Variants in DDX3X observed in about 807,000 individuals in gnomAD.
DDX3X encodes the protein ATP-dependent RNA helicase DDX3X.
DDX3X carries 4 observed loss-of-function variants against 52.7 expected under a neutral mutation model. That is an observed-to-expected ratio of 0.08 (90% confidence interval 0.04 to 0.17). The LOEUF (loss-of-function observed/expected upper bound fraction) is 0.17, where lower values mean the gene tolerates loss of function less well. DDX3X is among the 10% of genes least tolerant of loss of function. The pLI, the probability that DDX3X is intolerant of heterozygous loss-of-function variation, is 1.00. For synonymous variants in DDX3X, 192 were observed against 178.1 expected (o/e 1.08, Z -0.62); for missense variants, 222 against 548.6 (o/e 0.40, Z 5.95).
intron 2 of DDX3X, 154 bp downstream of exon 2, chrX:41,337,619 T>A: frequency 2.4e-6 from 1 of 424,181 alleles, no homozygotes; most frequent in Non-Finnish European, 3.9e-6. Context: ...TAGTACTTAG[T>A]GATCAATCTA....
chrX:41,358,438 G>T (rs1157703357), intron 5 of DDX3X, among the ~76,000 whole-genome samples: 1 of 111,458 alleles, frequency 9.0e-6, no homozygotes, highest in African/African-American at 3.3e-5. Flanking sequence ...GCAGTATTCA[G>T]CTAATCCCAA....
chrX:41,346,081 C>G (rs900978911), intron 12 of DDX3X, 148 bp from the exon 13 acceptor site: 2 of 480,039 alleles, frequency 4.2e-6, no homozygotes, highest in Admixed American at 8.5e-5. Context: ...TATTACTTTT[C>G]CTCCTCAATT....
At chrX:41,335,332 G>A (rs1408996172) in intron 1 of DDX3X, 1 of 111,564 alleles carries the variant, frequency 9.0e-6, no homozygotes, top group African/African-American at 3.3e-5. Context: ...CCCGGCTTAG[G>A]GGGGAAGTAA....
chrX:41,337,614 C>G (rs189479583), intron 2 of DDX3X, 149 bp downstream of exon 2: 82 of 405,401 alleles, frequency 2.0e-4, no homozygotes, highest in African/African-American at 1.8e-3. Context: ...TTATGTAGTA[C>G]TTAGTGATCA....
At chrX:41,353,297 C>CAAAAAAAAAAAA (rs61067509), downstream of DDX3X, among the ~76,000 whole-genome samples, 4 of 45,977 alleles carry the variant, frequency 8.7e-5, no homozygotes, top group Admixed American at 5.3e-4. Context: ...ACTAAAAATA[C>CAAAAAAAAAAAA]AAAAAAAAAA....
intron 5 of DDX3X, among the ~76,000 whole-genome samples, chrX:41,356,335 C>T (rs186783152): frequency 2.0e-4 from 22 of 109,317 alleles, no homozygotes; most frequent in Non-Finnish European, 3.2e-4. Flanking sequence ...TTAGTAGAGA[C>T]GGGGTTTCAC....
At chrX:41,338,248 A>G (rs2147342276) in intron 2 of DDX3X, 1 of 111,291 alleles carries the variant, frequency 9.0e-6, no homozygotes, top group African/African-American at 3.3e-5. Context: ...AGTATGGGCT[A>G]TGATGTGTCC....
chrX:41,341,967 C>T (rs1370775069), intron 4 of DDX3X: 3 of 169,121 alleles, frequency 1.8e-5, no homozygotes, highest in East Asian at 1.6e-4. Context: ...ACTGACCCCA[C>T]GTGCCTAATA....
rs933499622 is a variant in DDX3X at position 41,348,393 on chromosome X, A to G, written c.*674A>G. ...TGATAGTCTTTAAGCCATTCCAGTC[A>G]TGATGAGGTGATGTATGAATACATG... is the stretch of plus-strand genomic sequence containing the variant. On this transcript the variant is annotated 3_prime_UTR_variant, in exon 17 of 17. Transcript: ENST00000644876. 1 of 113,218 alleles carries G rather than the reference A, an allele frequency of 8.8e-6. No individual in the cohort carries two copies. The highest frequency in any genetic ancestry group is 3.2e-5 in the African/African-American group (1 of 30,944). 9.3% of individuals were successfully genotyped at this position (113,218 alleles called of 1,213,427 possible). A position where few individuals can be genotyped will look rare whatever the true frequency, so the allele number is the denominator to read the frequency against.
At chrX:41,346,020 C>T in intron 12 of DDX3X, 1 of 410,358 alleles carries the variant, frequency 2.4e-6, no homozygotes, top group Non-Finnish European at 4.2e-6. Context: ...GCACTCTCAG[C>T]CTGGGCAATT....
At chrX:41,337,636 C>T (rs1235929837) in intron 2 of DDX3X, 171 bp downstream of exon 2, 2 of 319,473 alleles carry the variant, frequency 6.3e-6, no homozygotes, top group Non-Finnish European at 5.1e-6. Context: ...TCTAAAGCAT[C>T]GTTGCCTTTT....
chrX:41,356,528 G>A (rs1380231425), intron 5 of DDX3X, among the ~76,000 whole-genome samples: 5 of 97,074 alleles, frequency 5.2e-5, no homozygotes, highest in African/African-American at 7.9e-5. Flanking sequence ...GTACGATCTC[G>A]GCTCACTGCA....
chrX:41,354,876 A>G (rs1484016732), downstream of DDX3X, among the ~76,000 whole-genome samples: 2 of 109,575 alleles, frequency 1.8e-5, no homozygotes, highest in African/African-American at 3.3e-5. Flanking sequence ...TCTGTTGCCC[A>G]GGCTGGAGTG....
chrX:41,361,631 G>C (rs1325770350), intron 5 of DDX3X, among the ~76,000 whole-genome samples: 1 of 111,388 alleles, frequency 9.0e-6, no homozygotes, highest in African/African-American at 3.3e-5. Flanking sequence ...AGGTTTCCAT[G>C]TGCGCACACT....
At position 41,334,476 on chromosome X, in the gene DDX3X, C is replaced by T. The variant is rs747272090; in HGVS notation, c.45+179C>T. Reference sequence around the variant, plus strand: ...AGGAATGTTGGTTGGGGCTGTCGCCCGGGCCCGGTCTCGGCCCGCTGTATT... The same window carrying T: ...AGGAATGTTGGTTGGGGCTGTCGCCTGGGCCCGGTCTCGGCCCGCTGTATT... On this transcript the variant is annotated intron_variant, in intron 1 of 16. Transcript: ENST00000644876. 102 of 1,097,629 alleles carry T rather than the reference C, an allele frequency of 9.3e-5. No individual in the cohort carries two copies. In the African/African-American group the frequency reaches 1.4e-3, roughly 15 times the overall value. The allele number at this position is 1,097,629 out of a possible 1,213,427, so 90.5% of individuals were successfully genotyped here.
chrX:41,334,636 G>C, intron 1 of DDX3X: 1 of 1,077,727 alleles, frequency 9.3e-7, no homozygotes, highest in Non-Finnish European at 1.2e-6. Flanking sequence ...GGGTTTGCGG[G>C]AGTGCGCAGC....
At chrX:41,359,905 C>T (rs2064022590) in intron 5 of DDX3X, among the ~76,000 whole-genome samples, 1 of 109,023 alleles carries the variant, frequency 9.2e-6, no homozygotes, top group East Asian at 2.9e-4. Context: ...TGGCGTGAAC[C>T]CGGGAGGTGG....
chrX:41,340,577 A>G (rs768826537), intron 3 of DDX3X: 1 of 254,770 alleles, frequency 3.9e-6, no homozygotes, highest in South Asian at 2.6e-4. Context: ...TTATAGCTGT[A>G]CCCAGGAACC....
chrX:41,346,796 GA>G, intron 14 of DDX3X, 62 bp from the exon 15 acceptor site: 1 of 1,060,271 alleles, frequency 9.4e-7, no homozygotes, highest in Non-Finnish European at 1.3e-6. Context: ...AGGAAAGTAA[GA>G]ATAGTAGCAA....
Sources: allele counts gnomAD v4.1 joint callset (sites outside exome capture counted in the v4.1 genomes callset), GRCh38; gene constraint gnomAD v4.1.1; transcripts MANE v1.5; gene names NCBI Gene and HGNC (gene_info 2026-07-23, HGNC 2026-07-21).